SLC35F1: variants seen among roughly 807,000 people sequenced by gnomAD.
SLC35F1 encodes the protein solute carrier family 35 member F1.
In SLC35F1, 14 loss-of-function variants were observed where a neutral mutation model predicts 48.7. The observed-to-expected ratio is 0.29, with a 90% CI of 0.19 to 0.45. The LOEUF (loss-of-function observed/expected upper bound fraction) is 0.45, where lower values mean the gene tolerates loss of function less well. Among genes scored for constraint, SLC35F1 ranks in the 20% least tolerant of loss-of-function variants. The pLI is 1.00. For missense variants in SLC35F1, 404 were observed against 500.0 expected (o/e 0.81, Z 1.83); for synonymous variants, 190 against 202.2 (o/e 0.94, Z 0.51).
chr6:118,208,115 G>A lies in SLC35F1; in HGVS notation c.350-27394G>A, dbSNP rs530844469. Among the ~76,000 whole-genome samples the A allele has an allele frequency of 5.8e-3, 710 of 121,380 alleles. 7 individuals carry two copies. The highest frequency in any genetic ancestry group is 0.021 in the African/African-American group (644 of 30,186). The allele number at this position is 121,380 out of a possible 152,430, so 79.6% of individuals were successfully genotyped here. On this transcript the variant is annotated intron_variant, in intron 2 of 7. Transcript: ENST00000360388. ...CACACATGCACGCACACACACGCGC[G>A]CGCGCGATCACACACACACACACAC...
intron 2 of SLC35F1, among the ~76,000 whole-genome samples, chr6:118,158,951 T>G (rs1277037666): frequency 6.6e-6 from 1 of 152,166 alleles, no homozygotes; most frequent in Non-Finnish European, 1.5e-5. Flanking sequence ...CTGGGCGTGG[T>G]GGCTCATGCC....
intron 1 of SLC35F1, among the ~76,000 whole-genome samples, chr6:117,947,029 G>A (rs1219637076): frequency 6.6e-6 from 1 of 152,088 alleles, no homozygotes; most frequent in Non-Finnish European, 1.5e-5. Flanking sequence ...ACAATAATAA[G>A]GTATGTATGT....
intron 1 of SLC35F1, among the ~76,000 whole-genome samples, chr6:118,052,673 T>G (rs1772407802): frequency 6.6e-6 from 1 of 152,164 alleles, no homozygotes; most frequent in South Asian, 2.1e-4. Context: ...AGTATACCAA[T>G]TTCTATATAT....
At chr6:118,224,979 A>G (rs1775196080) in intron 2 of SLC35F1, among the ~76,000 whole-genome samples, 1 of 152,224 alleles carries the variant, frequency 6.6e-6, no homozygotes, top group South Asian at 2.1e-4. Context: ...ATCCTGAAAG[A>G]GCTATACAAG....
At chr6:118,039,634 C>CT (rs148970616) in intron 1 of SLC35F1, among the ~76,000 whole-genome samples, 8,299 of 151,588 alleles carry the variant, frequency 0.055, 782 homozygotes, top group African/African-American at 0.19. Flanking sequence ...ATCCAGTAGT[C>CT]TTTTTTTAAA....
intron 2 of SLC35F1, among the ~76,000 whole-genome samples, chr6:118,167,048 A>G (rs1174535636): frequency 6.6e-6 from 1 of 152,088 alleles, no homozygotes; most frequent in Non-Finnish European, 1.5e-5. Flanking sequence ...CTCGTTCATT[A>G]CTTCATTCAC....
intron 1 of SLC35F1, among the ~76,000 whole-genome samples, chr6:117,936,275 C>T (rs983528571): frequency 1.3e-5 from 2 of 152,234 alleles, no homozygotes; most frequent in African/African-American, 2.4e-5. Flanking sequence ...CCAAAGTCTA[C>T]TGTCCTCACA....
intron 7 of SLC35F1, among the ~76,000 whole-genome samples, chr6:118,299,616 C>T (rs1475884383): frequency 6.6e-6 from 1 of 152,100 alleles, no homozygotes; most frequent in Non-Finnish European, 1.5e-5. Flanking sequence ...CAGTGATTAG[C>T]ATAAGAGATA....
chr6:118,104,748 C>A (rs954166719), intron 1 of SLC35F1, among the ~76,000 whole-genome samples: 4 of 152,274 alleles, frequency 2.6e-5, no homozygotes, highest in Non-Finnish European at 5.9e-5. Context: ...ACCCACCCAC[C>A]ATTTGGACCA....
chr6:118,025,526 C>G (rs1365274708), intron 1 of SLC35F1, among the ~76,000 whole-genome samples: 2 of 152,170 alleles, frequency 1.3e-5, no homozygotes, highest in African/African-American at 4.8e-5. Flanking sequence ...TCACCATGTA[C>G]AGTCCACAAT....
In SLC35F1 at chr6:118,245,658, C is replaced by G. The variant is rs146550796; in HGVS notation, c.477+10022C>G. Among the ~76,000 whole-genome samples, 4 of 152,228 alleles carry G rather than the reference C, an allele frequency of 2.6e-5. No homozygotes were observed. The East Asian group carries it at 7.7e-4, about 29-fold the overall frequency. ...TGATTCCTGCAACATAGACTGTTCC[C>G]CACCTCCCAGCCGGCACCCCTTCTC... On this transcript the variant is annotated intron_variant, in intron 3 of 7. Transcript: ENST00000360388.
At chr6:118,071,640 C>T (rs760492555) in intron 1 of SLC35F1, among the ~76,000 whole-genome samples, 1 of 152,138 alleles carries the variant, frequency 6.6e-6, no homozygotes, top group Non-Finnish European at 1.5e-5. Context: ...TTCCAGGACT[C>T]CTTTCATGGC....
chr6:117,909,077 C>A (rs981989598), intron 1 of SLC35F1, among the ~76,000 whole-genome samples: 4 of 152,192 alleles, frequency 2.6e-5, no homozygotes. Context: ...GGAATTAATG[C>A]GTGCGTTAGT....
chr6:118,181,449 C>A (rs1175632016), intron 2 of SLC35F1, among the ~76,000 whole-genome samples: 1 of 151,872 alleles, frequency 6.6e-6, no homozygotes, highest in Non-Finnish European at 1.5e-5. Context: ...AGAAATAGAA[C>A]CCCTAATTTA....
intron 1 of SLC35F1, among the ~76,000 whole-genome samples, chr6:118,124,799 A>G (rs776155693): frequency 8.5e-5 from 13 of 152,192 alleles, no homozygotes; most frequent in Non-Finnish European, 1.5e-4. Flanking sequence ...ATATATTCTC[A>G]CAGTATTGCT....
chr6:118,040,111 A>T (rs997863171), intron 1 of SLC35F1, among the ~76,000 whole-genome samples: 1 of 152,170 alleles, frequency 6.6e-6, no homozygotes, highest in Admixed American at 6.6e-5. Context: ...GGTCTTATAC[A>T]GAATTAAATG....
At chr6:118,086,121 T>G (rs573559728) in intron 1 of SLC35F1, among the ~76,000 whole-genome samples, 1 of 152,250 alleles carries the variant, frequency 6.6e-6, no homozygotes, top group South Asian at 2.1e-4. Context: ...ATGACAAATA[T>G]TTTCCTTTTT....
At chr6:118,021,462 T>G (rs1404956997) in intron 1 of SLC35F1, among the ~76,000 whole-genome samples, 1 of 152,180 alleles carries the variant, frequency 6.6e-6, no homozygotes, top group East Asian at 1.9e-4. Flanking sequence ...AAAGGGTGAC[T>G]GTCAGTAGCA....
intron 1 of SLC35F1, among the ~76,000 whole-genome samples, chr6:118,020,462 A>C (rs1777379744): frequency 6.6e-6 from 1 of 152,182 alleles, no homozygotes; most frequent in Non-Finnish European, 1.5e-5. Flanking sequence ...AAAGTGTTAT[A>C]GATTATCTGA....
Sources: gnomAD v4.1 joint callset for allele counts (sites outside exome capture counted in the v4.1 genomes callset) on GRCh38, gnomAD v4.1.1 for gene constraint, MANE v1.5 for transcripts, NCBI Gene and HGNC (gene_info 2026-07-23, HGNC 2026-07-21) for gene names.